The following SAAL1 variants were observed in gnomAD, a reference collection of about 807,000 sequenced individuals.
SAAL1 encodes protein SAAL1.
Under a neutral mutation model 59.8 loss-of-function variants are expected in SAAL1, and 42 were observed. The observed-to-expected ratio is 0.70, with a 90% CI of 0.55 to 0.91. The LOEUF (loss-of-function observed/expected upper bound fraction) is 0.91. Ranked by LOEUF, SAAL1 falls within the 40% of genes least tolerant of loss-of-function variation. SAAL1 has a pLI of 0.00. For missense variants in SAAL1, 542 were observed against 561.1 expected (o/e 0.97, Z 0.34); for synonymous variants, 191 against 194.3 (o/e 0.98, Z 0.14).
At chr11:18,096,640 A>G in intron 3 of SAAL1, 131 bp downstream of exon 3, 2 of 642,096 alleles carry the variant, frequency 3.1e-6, no homozygotes, top group Non-Finnish European at 2.8e-6. Flanking sequence ...GCAATGTTCA[A>G]TTAACATCTA....
intron 11 of SAAL1, among the ~76,000 whole-genome samples, 168 bp downstream of exon 11, chr11:18,081,243 G>A (rs764005179): frequency 1.3e-5 from 2 of 152,064 alleles, no homozygotes; most frequent in East Asian, 1.9e-4. Flanking sequence ...GAGAACATAC[G>A]GTATTTGGTT....
chr11:18,087,008 G>A lies in SAAL1; in HGVS notation c.900C>T (p.Asp300=), dbSNP rs759578623. 3.7e-6 allele frequency: 6 copies of A among 1,613,842 alleles called. No individual in the cohort carries two copies. The highest frequency in any genetic ancestry group is 5.1e-6 in the Non-Finnish European group (6 of 1,179,876). ...TGKDIWNLLF[D]LVCHEFCQSD... is the part of the protein sequence containing the mutation. ...ACTGGCAGAATTCATGGCAGACCAG[G>A]TCAAAAAGTAAATTCCAAATGTCTT... Residue 300 remains aspartate (D), a synonymous_variant, in exon 9 of 12, where the codon GAC becomes GAT. Coordinates refer to ENST00000524803, the MANE Select transcript of SAAL1 (RefSeq NM_138421.3).
chr11:18,092,387 A>C, intron 3 of SAAL1, 63 bp from the exon 4 acceptor site: 6 of 1,094,296 alleles, frequency 5.5e-6, no homozygotes, highest in Non-Finnish European at 8.4e-6. Context: ...CAAAAATATC[A>C]ACTTGAACAA....
rs553911022 is a variant in SAAL1 at position 18,081,687 on chromosome 11, C to G, written c.1240-184G>C. 19 of 580,914 alleles carry G rather than the reference C, an allele frequency of 3.3e-5. No homozygotes were observed. In the African/African-American group the frequency reaches 3.4e-4, roughly 10 times the overall value. 36.0% of individuals were successfully genotyped at this position (580,914 alleles called of 1,614,324 possible). A position where few individuals can be genotyped will look rare whatever the true frequency, so the allele number is the denominator to read the frequency against. On this transcript the variant is annotated intron_variant, in intron 10 of 11. Coordinates refer to ENST00000524803, the MANE Select transcript of SAAL1 (RefSeq NM_138421.3). Reference sequence around the variant, plus strand: ...AACATGTTCTCCACTGTCGTCTTTACTTTAGTGAAGGGCACCACCATCCAC... The same window carrying G: ...AACATGTTCTCCACTGTCGTCTTTAGTTTAGTGAAGGGCACCACCATCCAC...
intron 1 of SAAL1, 94 bp from the exon 2 acceptor site, chr11:18,103,440 C>T (rs531978180): frequency 2.2e-5 from 21 of 964,202 alleles, no homozygotes; most frequent in South Asian, 1.1e-4. Context: ...AACATTTCCT[C>T]GTAACGCTGA....
At position 18,090,158 on chromosome 11, in the gene SAAL1, A is replaced by G; in HGVS notation, c.589+17T>C. On this transcript the variant is annotated intron_variant, in intron 6 of 11. Coordinates refer to ENST00000524803, the MANE Select transcript of SAAL1 (RefSeq NM_138421.3). ...ACAATTTAAAACATTTTTTTTCTAG[A>G]GTACATGATGACTTACCATTTGTTG... 1 of 1,556,146 alleles carries G rather than the reference A, an allele frequency of 6.4e-7. No individual in the cohort carries two copies. Among genetic ancestry groups the G allele is most frequent in the Non-Finnish European group, 8.7e-7 (1 of 1,155,978 alleles).
At chr11:18,096,264 T>TTATTAAATTATTAATAATTTAATA (rs1271529266) in intron 3 of SAAL1, among the ~76,000 whole-genome samples, 2 of 151,802 alleles carry the variant, frequency 1.3e-5, no homozygotes, top group East Asian at 1.9e-4. Flanking sequence ...TAATTTTAAA[T>TTATTAAATTATTAATAATTTAATA]TATTAAATTA....
chr11:18,095,021 C>CA (rs1491289453), intron 3 of SAAL1, among the ~76,000 whole-genome samples: 1 of 152,142 alleles, frequency 6.6e-6, no homozygotes, highest in African/African-American at 2.4e-5. Flanking sequence ...TAAAGCTTCT[C>CA]AGAGTGTGGC....
intron 2 of SAAL1, among the ~76,000 whole-genome samples, chr11:18,101,193 T>TA (rs958286890): frequency 2.0e-5 from 3 of 152,180 alleles, no homozygotes; most frequent in Non-Finnish European, 2.9e-5. Flanking sequence ...TGTAAAATGG[T>TA]AAAAAACTGC....
Position 18,106,071 on chromosome 11 carries a change from G to T in SAAL1, c.-30C>A, listed in dbSNP as rs1313825357. 1.3e-6 allele frequency: 2 copies of T among 1,580,768 alleles called. No individual in the cohort carries two copies. Among genetic ancestry groups the T allele is most frequent in the East Asian group, 2.3e-5 (1 of 44,374 alleles). ...TTGTCGCGTCCCGCGCTTGAAGGCC[G>T]TGCCGGAAGCTGCGGAGGAGACGAC... On this transcript the variant is annotated 5_prime_UTR_variant, in exon 1 of 12. Coordinates refer to ENST00000524803, the MANE Select transcript of SAAL1 (RefSeq NM_138421.3).
In SAAL1 at chr11:18,081,517, A is replaced by T. The variant is rs979268813; in HGVS notation, c.1240-14T>A. ...AGCCACCGTCTCCTAAAACAACAAC[A>T]AGATTTAATGTCAAAAAAGGAAAAT... On this transcript the variant is annotated splice_polypyrimidine_tract_variant and intron_variant, in intron 10 of 11. Transcript: ENST00000524803. 2 of 1,610,944 alleles carry T rather than the reference A, an allele frequency of 1.2e-6. No individual in the cohort carries two copies. The highest frequency in any genetic ancestry group is 2.7e-5 in the African/African-American group (2 of 74,802).
chr11:18,096,349 G>A (rs1462669729), intron 3 of SAAL1, among the ~76,000 whole-genome samples: 1 of 152,122 alleles, frequency 6.6e-6, no homozygotes, highest in Non-Finnish European at 1.5e-5. Context: ...GGAGGCCAAG[G>A]TGGGAGGATC....
At chr11:18,092,365 G>GA in intron 3 of SAAL1, 41 bp from the exon 4 acceptor site, 1 of 1,256,172 alleles carries the variant, frequency 8.0e-7, no homozygotes, top group Middle Eastern at 1.9e-4. Flanking sequence ...GCTCTGAGAC[G>GA]AAAGACGTAA....
At chr11:18,081,113 A>G (rs186285062) in intron 11 of SAAL1, among the ~76,000 whole-genome samples, 1 of 152,124 alleles carries the variant, frequency 6.6e-6, no homozygotes, top group Non-Finnish European at 1.5e-5. Flanking sequence ...TTAGTACCCA[A>G]TAGGTAGTTT....
At chr11:18,102,297 G>T (rs1267554438) in intron 2 of SAAL1, among the ~76,000 whole-genome samples, 2 of 151,798 alleles carry the variant, frequency 1.3e-5, no homozygotes, top group Non-Finnish European at 2.9e-5. Context: ...AGCTACTCTG[G>T]ACGCTATGGC....
At chr11:18,083,165 AT>A (rs1389543820) in intron 10 of SAAL1, 2 of 151,882 alleles carry the variant, frequency 1.3e-5, no homozygotes, top group African/African-American at 5.0e-5. Flanking sequence ...AAAACTGATT[AT>A]TTGGTAAATT....
chr11:18,103,180 A>G, intron 2 of SAAL1, 53 bp downstream of exon 2: 1 of 1,223,952 alleles, frequency 8.2e-7, no homozygotes, highest in South Asian at 1.2e-5. Context: ...TAAAACATTC[A>G]TTCACCATCT....
intron 3 of SAAL1, among the ~76,000 whole-genome samples, chr11:18,093,013 A>G (rs1031392785): frequency 5.9e-5 from 9 of 152,122 alleles, no homozygotes; most frequent in African/African-American, 2.2e-4. Context: ...TTTAAATTGC[A>G]TGCCTTTCTG....
At position 18,089,492 on chromosome 11, in the gene SAAL1, A is replaced by C. The variant is rs768155278; in HGVS notation, c.608T>G (p.Val203Gly). Reference protein sequence around the residue: ...SSTNVDLLVKVGEVVDKLFDL... With the variant: ...SSTNVDLLVKGGEVVDKLFDL... ...AAAGAGCTTGTCCACAACCTCCCCC[A>C]CCTTCACCAGCAAGTCAACTGCAGA... Residue 203 changes from valine to glycine, a missense_variant, in exon 7 of 12, where the codon GTG becomes GGG. Val to Gly is a moderately radical substitution (Grantham distance 109). Transcript: ENST00000524803. 7 of 1,611,002 alleles carry C rather than the reference A, an allele frequency of 4.3e-6. No homozygotes were observed. The highest frequency in any genetic ancestry group is 2.7e-5 in the African/African-American group (2 of 74,664).
Sources: allele counts gnomAD v4.1 joint callset (sites outside exome capture counted in the v4.1 genomes callset), GRCh38; gene constraint gnomAD v4.1.1; transcripts MANE v1.5; gene names NCBI Gene and HGNC (gene_info 2026-07-23, HGNC 2026-07-21).